SLC38A6: variants seen among roughly 807,000 people sequenced by gnomAD.
SLC38A6 encodes the protein solute carrier family 38 member 6.
Under a neutral mutation model 65.0 loss-of-function variants are expected in SLC38A6, and 73 were observed. That is an observed-to-expected ratio of 1.12 (90% CI 0.93 to 1.37). The LOEUF (loss-of-function observed/expected upper bound fraction) is 1.37. SLC38A6 is among the 40% of genes most tolerant of loss of function. SLC38A6 has a pLI of 0.00. For synonymous variants in SLC38A6, 183 were observed against 178.8 expected, an observed-to-expected ratio of 1.02 and a Z score of -0.19; for missense variants, 561 against 531.1, an observed-to-expected ratio of 1.06 and a Z score of -0.55.
chr14:61,046,032 T>A (rs1259556506), intron 11 of SLC38A6, 35 bp from the exon 12 acceptor site: 1 of 1,301,998 alleles, frequency 7.7e-7, no homozygotes, highest in Non-Finnish European at 1.1e-6. Flanking sequence ...ATAATTCAGA[T>A]CACTTATTCT....
chr14:61,015,492 A>C (rs1018896981), intron 3 of SLC38A6, among the ~76,000 whole-genome samples: 6 of 148,048 alleles, frequency 4.1e-5, no homozygotes, highest in Non-Finnish European at 7.4e-5. Flanking sequence ...TTTAATATGT[A>C]CAGCTTGAGA....
chr14:60,994,599 G>A (rs1268071112), intron 3 of SLC38A6, among the ~76,000 whole-genome samples: 2 of 151,950 alleles, frequency 1.3e-5, no homozygotes, highest in Non-Finnish European at 2.9e-5. Flanking sequence ...AGCTAGTTGG[G>A]AGGCTGAAGC....
At chr14:61,019,957 G>A (rs893320552) in intron 5 of SLC38A6, among the ~76,000 whole-genome samples, 2 of 152,118 alleles carry the variant, frequency 1.3e-5, no homozygotes, top group Admixed American at 1.3e-4. Context: ...AGAGGGATTA[G>A]TGTTCCGTGG....
intron 15 of SLC38A6, among the ~76,000 whole-genome samples, chr14:61,067,890 T>A (rs2043083081): frequency 6.6e-6 from 1 of 151,592 alleles, no homozygotes; most frequent in Admixed American, 6.6e-5. Context: ...GTGACATTCT[T>A]CATCATACTT....
At chr14:61,002,371 A>C (rs2038769947) in intron 3 of SLC38A6, 1 of 152,240 alleles carries the variant, frequency 6.6e-6, no homozygotes, top group South Asian at 2.1e-4. Context: ...GATAGAAAAC[A>C]CAAGAAAGAC....
intron 3 of SLC38A6, among the ~76,000 whole-genome samples, chr14:61,011,240 G>A (rs1267199338): frequency 3.3e-5 from 5 of 152,210 alleles, no homozygotes; most frequent in Non-Finnish European, 5.9e-5. Context: ...TGTATCCTGA[G>A]ACTTTGCTGA....
intron 3 of SLC38A6, among the ~76,000 whole-genome samples, chr14:61,013,715 C>A (rs1160581140): frequency 2.0e-5 from 3 of 152,184 alleles, no homozygotes; most frequent in African/African-American, 4.8e-5. Flanking sequence ...TATTGGCCCC[C>A]AATGTCTTCT....
chr14:61,014,806 C>CT lies in SLC38A6; in HGVS notation c.311-1097dup, dbSNP rs2039869471. Among the ~76,000 whole-genome samples the CT allele has an allele frequency of 2.0e-5, 3 of 152,308 alleles. No homozygotes were observed. The South Asian group carries it at 6.2e-4, about 32-fold the overall frequency. On this transcript the variant is annotated intron_variant, in intron 3 of 15. Coordinates refer to ENST00000267488, the MANE Select transcript of SLC38A6 (RefSeq NM_153811.3). ...TCAGTCTGCCCCTACAGGGGGGTGC[C>CT]TCCCAGTTAGGCTCCTCGGGGGTCA...
chr14:61,004,993 T>C (rs1444334812), intron 3 of SLC38A6, among the ~76,000 whole-genome samples: 1 of 152,034 alleles, frequency 6.6e-6, no homozygotes, highest in African/African-American at 2.4e-5. Context: ...TCCACCATGA[T>C]CAAGTGGGCT....
chr14:61,039,365 ATTATTTAT>A (rs527316473), intron 8 of SLC38A6, among the ~76,000 whole-genome samples: 2 of 151,588 alleles, frequency 1.3e-5, no homozygotes, highest in South Asian at 2.1e-4. Flanking sequence ...TGTTTATTTT[ATTATTTAT>A]TTATTTATTT....
chr14:61,026,230 A>G (rs1281354977), intron 5 of SLC38A6, among the ~76,000 whole-genome samples: 1 of 152,166 alleles, frequency 6.6e-6, no homozygotes, highest in Admixed American at 6.5e-5. Context: ...ATAAGAATAC[A>G]GTATTTGGAA....
At chr14:61,042,804 A>G (rs1430934652) in intron 8 of SLC38A6, among the ~76,000 whole-genome samples, 1 of 152,106 alleles carries the variant, frequency 6.6e-6, no homozygotes, top group African/African-American at 2.4e-5. Context: ...TCTACAAATA[A>G]CCATATTCCT....
intron 15 of SLC38A6, chr14:61,074,021 A>G (rs529572239): frequency 6.6e-6 from 1 of 152,338 alleles, no homozygotes; most frequent in East Asian, 1.9e-4. Context: ...AGAAAATAGT[A>G]TATAATACAA....
At chr14:61,034,260 G>T (rs1446940971) in intron 6 of SLC38A6, 2 of 152,178 alleles carry the variant, frequency 1.3e-5, no homozygotes, top group Non-Finnish European at 2.9e-5. Context: ...CAAGAGAAAA[G>T]AGTCCTGGTC....
intron 5 of SLC38A6, among the ~76,000 whole-genome samples, chr14:61,024,466 AG>A (rs2040505166): frequency 6.6e-6 from 1 of 152,188 alleles, no homozygotes; most frequent in Admixed American, 6.5e-5. Context: ...TGGGACCCAA[AG>A]TCAGAAAAGA....
rs563470500 is a variant in SLC38A6 at position 61,079,240 on chromosome 14, G to A, written c.1408+313G>A. Among the ~76,000 whole-genome samples the A allele has an allele frequency of 2.2e-3, 323 of 149,622 alleles. 2 individuals are homozygous for A. The highest frequency in any genetic ancestry group is 6.9e-3 in the African/African-American group (279 of 40,502). On this transcript the variant is annotated intron_variant, in intron 16 of 16. Transcript: ENST00000354886. ...CAACCTCTGCCTCCCGGGTTCAAGC[G>A]ATTCTCCTGCCTCCACCTCCTGAGT...
At chr14:61,007,926 T>G (rs1270798734) in intron 3 of SLC38A6, among the ~76,000 whole-genome samples, 1 of 152,124 alleles carries the variant, frequency 6.6e-6, no homozygotes, top group African/African-American at 2.4e-5. Flanking sequence ...TAATTACTAA[T>G]TTTTGTGATA....
At chr14:61,021,806 T>TA (rs1426543826) in intron 5 of SLC38A6, among the ~76,000 whole-genome samples, 1 of 152,214 alleles carries the variant, frequency 6.6e-6, no homozygotes. Flanking sequence ...AATAACCAAA[T>TA]ACATATTTTC....
chr14:61,067,032 C>T (rs1046519086), intron 15 of SLC38A6, among the ~76,000 whole-genome samples: 1 of 152,082 alleles, frequency 6.6e-6, no homozygotes, highest in African/African-American at 2.4e-5. Context: ...ATTTTTCTGA[C>T]TGAACATTTT....
Sources: allele counts gnomAD v4.1 joint callset (sites outside exome capture counted in the v4.1 genomes callset), GRCh38; gene constraint gnomAD v4.1.1; transcripts MANE v1.5; gene names NCBI Gene and HGNC (gene_info 2026-07-23, HGNC 2026-07-21).